CHST11: variants seen among roughly 807,000 people sequenced by gnomAD.
CHST11 encodes C4S-1.
Under a neutral mutation model 30.4 loss-of-function variants are expected in CHST11, and 9 were observed. The ratio of observed to expected loss-of-function variants is 0.30; its 90% CI spans 0.18 to 0.52. CHST11 has a LOEUF of 0.52. Ranked by LOEUF, CHST11 falls within the 20% of genes least tolerant of loss-of-function variation. The pLI is 0.97. For synonymous variants in CHST11, 152 were observed against 187.8 expected (o/e 0.81, Z 1.56); for missense variants, 348 against 460.6 (o/e 0.76, Z 2.24).
chr12:104,723,055 C>T (rs1185200750), intron 2 of CHST11, among the ~76,000 whole-genome samples: 1 of 152,064 alleles, frequency 6.6e-6, no homozygotes, highest in African/African-American at 2.4e-5. Flanking sequence ...CCTGACATGC[C>T]TGGCTGAGTC....
intron 1 of CHST11, among the ~76,000 whole-genome samples, chr12:104,507,431 T>C (rs1350825702): frequency 1.3e-5 from 2 of 152,246 alleles, no homozygotes; most frequent in South Asian, 4.1e-4. Flanking sequence ...TTGGCACCGC[T>C]GCCTGCTTTC....
intron 2 of CHST11, among the ~76,000 whole-genome samples, chr12:104,667,377 A>C (rs1446928504): frequency 6.6e-6 from 1 of 152,188 alleles, no homozygotes; most frequent in Non-Finnish European, 1.5e-5. Flanking sequence ...AAGGTTGTGC[A>C]ATCTAGCCTT....
chr12:104,521,050 T>A (rs1033396851), intron 1 of CHST11, among the ~76,000 whole-genome samples: 6 of 152,186 alleles, frequency 3.9e-5, no homozygotes, highest in Admixed American at 3.3e-4. Flanking sequence ...TAAATAGTAA[T>A]CATAATAAGG....
At chr12:104,696,482 C>CAAAAAAAAAAAAAAAAAAA (rs10602668) in intron 2 of CHST11, among the ~76,000 whole-genome samples, 1 of 69,140 alleles carries the variant, frequency 1.4e-5, no homozygotes, top group Non-Finnish European at 2.5e-5. Flanking sequence ...GCTAAAAATA[C>CAAAAAAAAAAAAAAAAAAA]AAAAAAAAAA....
chr12:104,614,675 G>A (rs776940646), intron 2 of CHST11, among the ~76,000 whole-genome samples: 20 of 145,312 alleles, frequency 1.4e-4, no homozygotes, highest in African/African-American at 5.2e-4. Flanking sequence ...GCTTATGCAT[G>A]TGTGTGTGCA....
chr12:104,525,678 G>T (rs1815481063), intron 1 of CHST11, among the ~76,000 whole-genome samples: 1 of 152,152 alleles, frequency 6.6e-6, no homozygotes, highest in African/African-American at 2.4e-5. Flanking sequence ...CTGGGATATA[G>T]TAAGTGCTAT....
At chr12:104,709,041 C>A (rs890884332) in intron 2 of CHST11, among the ~76,000 whole-genome samples, 1 of 152,098 alleles carries the variant, frequency 6.6e-6, no homozygotes, top group Non-Finnish European at 1.5e-5. Context: ...ATAGGGCACC[C>A]GGGATGAGGA....
intron 1 of CHST11, among the ~76,000 whole-genome samples, chr12:104,597,075 A>G (rs2038912997): frequency 1.3e-5 from 2 of 152,096 alleles, no homozygotes; most frequent in South Asian, 2.1e-4. Flanking sequence ...CGCCCAGAGA[A>G]CCAGGTGGGC....
chr12:104,689,631 A>G (rs1302400423), intron 2 of CHST11, among the ~76,000 whole-genome samples: 1 of 152,182 alleles, frequency 6.6e-6, no homozygotes, highest in Non-Finnish European at 1.5e-5. Flanking sequence ...CAAGGCGGCT[A>G]GCATACCTGC....
chr12:104,704,748 G>A (rs894750797), intron 2 of CHST11, among the ~76,000 whole-genome samples: 1 of 151,814 alleles, frequency 6.6e-6, no homozygotes, highest in Non-Finnish European at 1.5e-5. Flanking sequence ...GGAGGCCTCA[G>A]AACCCCGGCC....
intron 1 of CHST11, among the ~76,000 whole-genome samples, chr12:104,522,209 C>A (rs150473841): frequency 6.6e-6 from 1 of 152,144 alleles, no homozygotes; most frequent in Non-Finnish European, 1.5e-5. Context: ...GAGCACAGAG[C>A]GAACTTCCTG....
At chr12:104,699,134 T>C (rs1257681087) in intron 2 of CHST11, among the ~76,000 whole-genome samples, 2 of 152,208 alleles carry the variant, frequency 1.3e-5, no homozygotes, top group Non-Finnish European at 2.9e-5. Context: ...CTAGATCTAA[T>C]GAATCAAATC....
At chr12:104,529,360 G>T (rs1027589252) in intron 1 of CHST11, among the ~76,000 whole-genome samples, 1 of 152,200 alleles carries the variant, frequency 6.6e-6, no homozygotes, top group African/African-American at 2.4e-5. Context: ...TACTTTGAGA[G>T]CTCAGACAAG....
chr12:104,634,235 GAATCCCC>G (rs1160351660), intron 2 of CHST11, among the ~76,000 whole-genome samples: 1 of 152,182 alleles, frequency 6.6e-6, no homozygotes, highest in African/African-American at 2.4e-5. Flanking sequence ...ACAGTACCAT[GAATCCCC>G]AGTGCATAGT....
At chr12:104,718,259 C>T (rs2040147079) in intron 2 of CHST11, among the ~76,000 whole-genome samples, 1 of 152,232 alleles carries the variant, frequency 6.6e-6, no homozygotes, top group African/African-American at 2.4e-5. Flanking sequence ...CCTGAAGCCA[C>T]ACAGTCTGTC....
intron 2 of CHST11, among the ~76,000 whole-genome samples, chr12:104,756,398 C>A (rs976536026): frequency 5.3e-5 from 8 of 152,200 alleles, no homozygotes; most frequent in Admixed American, 1.3e-4. Context: ...TCTTCCCAAG[C>A]ATTTCCCTTT....
At chr12:104,647,046 G>C (rs890349728) in intron 2 of CHST11, among the ~76,000 whole-genome samples, 1 of 152,214 alleles carries the variant, frequency 6.6e-6, no homozygotes, top group South Asian at 2.1e-4. Context: ...TTAATGATGA[G>C]CATTGCCAGC....
At chr12:104,598,559 T>TC (rs1016279824) in intron 1 of CHST11, among the ~76,000 whole-genome samples, 4 of 152,152 alleles carry the variant, frequency 2.6e-5, no homozygotes, top group Middle Eastern at 3.4e-3. Flanking sequence ...AACTTCCATC[T>TC]CCCCCTCCTT....
intron 1 of CHST11, among the ~76,000 whole-genome samples, chr12:104,599,910 A>T (rs2038942747): frequency 6.6e-6 from 1 of 152,266 alleles, no homozygotes; most frequent in African/African-American, 2.4e-5. Flanking sequence ...ACATTTTCCC[A>T]GATTTCCCTG....
Sources: gnomAD v4.1 joint callset for allele counts (sites outside exome capture counted in the v4.1 genomes callset) on GRCh38, gnomAD v4.1.1 for gene constraint, MANE v1.5 for transcripts, NCBI Gene and HGNC (gene_info 2026-07-23, HGNC 2026-07-21) for gene names.